The following LRP1B variants were observed in gnomAD, a reference collection of about 807,000 sequenced individuals.
LRP1B encodes low-density lipoprotein receptor-related protein 1B.
In LRP1B, 217 loss-of-function variants were observed where a neutral mutation model predicts 556.6. The ratio of observed to expected loss-of-function variants is 0.39; its 90% CI spans 0.35 to 0.44. The LOEUF (loss-of-function observed/expected upper bound fraction) is 0.44. LRP1B is among the 20% of genes least tolerant of loss of function. The pLI is 1.00. For missense variants in LRP1B, 5,053 were observed against 5,620.8 expected, an observed-to-expected ratio of 0.90 and a Z score of 3.23; for synonymous variants, 2,047 against 1,865.8, an observed-to-expected ratio of 1.10 and a Z score of -2.50.
intron 68 of LRP1B, 21 bp downstream of exon 68, chr2:140,378,159 T>G: frequency 6.5e-7 from 1 of 1,535,924 alleles, no homozygotes; most frequent in Non-Finnish European, 9.0e-7. Context: ...GCTTTCTTTT[T>G]GATTTTACAA....
Position 140,700,140 on chromosome 2 carries a change from A to T in LRP1B, c.6799+110T>A, listed in dbSNP as rs377576297. ...ATGATATAGTCACATTCATTCCTGAATATAAAATCTAGGAAAATGTAATTG... is the reference window on the plus strand; with the variant it reads ...ATGATATAGTCACATTCATTCCTGATTATAAAATCTAGGAAAATGTAATTG... On this transcript the variant is annotated intron_variant, in intron 41 of 90. Coordinates refer to ENST00000389484, the MANE Select transcript of LRP1B (RefSeq NM_018557.3). The T allele has an allele frequency of 4.8e-4, 481 of 992,120 alleles. 8 individuals are homozygous for T. The South Asian group carries it at 7.3e-3, about 15-fold the overall frequency. 61.5% of individuals were successfully genotyped at this position (992,120 alleles called of 1,614,324 possible).
At chr2:140,735,011 C>T (rs1687899994) in intron 35 of LRP1B, among the ~76,000 whole-genome samples, 1 of 152,168 alleles carries the variant, frequency 6.6e-6, no homozygotes, top group Non-Finnish European at 1.5e-5. Context: ...CCTGTCTTGA[C>T]TCTGTTTCCC....
intron 1 of LRP1B, among the ~76,000 whole-genome samples, chr2:141,859,716 T>C (rs1437642849): frequency 6.6e-6 from 1 of 152,210 alleles, no homozygotes; most frequent in Non-Finnish European, 1.5e-5. Flanking sequence ...TATGATTTGA[T>C]CATTACACAG....
At chr2:140,664,082 C>A (rs1685186594) in intron 41 of LRP1B, among the ~76,000 whole-genome samples, 1 of 152,158 alleles carries the variant, frequency 6.6e-6, no homozygotes. Flanking sequence ...TAATTAAGTT[C>A]ACTCTCTTGA....
chr2:141,355,479 C>A (rs1341462762), intron 3 of LRP1B, among the ~76,000 whole-genome samples: 5 of 152,018 alleles, frequency 3.3e-5, no homozygotes, highest in Non-Finnish European at 7.4e-5. Context: ...CACCACACCC[C>A]CATCCCCTGG....
At chr2:141,788,529 A>T (rs1397571960) in intron 2 of LRP1B, among the ~76,000 whole-genome samples, 1 of 151,828 alleles carries the variant, frequency 6.6e-6, no homozygotes, top group Non-Finnish European at 1.5e-5. Flanking sequence ...TTCATTTCTA[A>T]TTAAATTTTA....
chr2:141,834,731 A>T (rs1435322259), intron 1 of LRP1B, among the ~76,000 whole-genome samples: 1 of 151,986 alleles, frequency 6.6e-6, no homozygotes, highest in Non-Finnish European at 1.5e-5. Context: ...TTGGGATCAG[A>T]AGTTGCACAG....
Position 141,406,417 on chromosome 2 carries a change from G to C in LRP1B, c.343+73979C>G, listed in dbSNP as rs148498512. Among the ~76,000 whole-genome samples, 11 of 152,114 alleles carry C rather than the reference G, an allele frequency of 7.2e-5. No individual in the cohort carries two copies. The East Asian group carries it at 2.1e-3, about 29-fold the overall frequency. On this transcript the variant is annotated intron_variant, in intron 3 of 90. Transcript: ENST00000389484. ...GCCTATCTCAGGCAAGGAACATAAG[G>C]TCAGACTAGGCATAATAAAGGCAAA...
intron 1 of LRP1B, among the ~76,000 whole-genome samples, chr2:142,031,393 AGT>A (rs1703703225): frequency 8.0e-6 from 1 of 124,758 alleles, no homozygotes; most frequent in Admixed American, 9.9e-5. Context: ...TGTGCAGGTT[AGT>A]TACATATGTA....
chr2:140,825,125 A>G (rs1320990489), intron 31 of LRP1B, among the ~76,000 whole-genome samples: 3 of 152,186 alleles, frequency 2.0e-5, no homozygotes, highest in Admixed American at 2.0e-4. Flanking sequence ...AGAAGAATTC[A>G]GCCTGGTCAC....
At chr2:140,927,454 A>G (rs1198236546) in intron 20 of LRP1B, among the ~76,000 whole-genome samples, 2 of 152,144 alleles carry the variant, frequency 1.3e-5, no homozygotes, top group Non-Finnish European at 2.9e-5. Context: ...TGATTGTACC[A>G]TTTTTAACTT....
At chr2:140,838,380 G>A (rs976188099) in intron 31 of LRP1B, among the ~76,000 whole-genome samples, 1 of 151,988 alleles carries the variant, frequency 6.6e-6, no homozygotes, top group African/African-American at 2.4e-5. Context: ...GTTTCAATTT[G>A]CCTTTAATTT....
intron 1 of LRP1B, among the ~76,000 whole-genome samples, chr2:142,095,911 G>A (rs2104958921): frequency 6.6e-6 from 1 of 151,722 alleles, no homozygotes; most frequent in South Asian, 2.1e-4. Flanking sequence ...AGATCGCTCA[G>A]GATCCGATAT....
chr2:141,544,714 G>A (rs1397213107), intron 2 of LRP1B, among the ~76,000 whole-genome samples: 4 of 151,874 alleles, frequency 2.6e-5, no homozygotes, highest in Non-Finnish European at 5.9e-5. Context: ...CACTGAGGCT[G>A]GAGTGCAGTG....
chr2:141,745,328 G>A (rs1558845586), intron 2 of LRP1B, among the ~76,000 whole-genome samples: 1 of 152,128 alleles, frequency 6.6e-6, no homozygotes, highest in Non-Finnish European at 1.5e-5. Flanking sequence ...GGACTGAAGT[G>A]AAAAATATTA....
chr2:141,178,302 C>T (rs994762417), intron 7 of LRP1B, among the ~76,000 whole-genome samples: 1 of 152,078 alleles, frequency 6.6e-6, no homozygotes, highest in Non-Finnish European at 1.5e-5. Context: ...AAAAATAAGG[C>T]TAACAAGTGA....
chr2:141,303,929 A>G (rs1349163566), intron 3 of LRP1B, among the ~76,000 whole-genome samples: 1 of 151,906 alleles, frequency 6.6e-6, no homozygotes, highest in African/African-American at 2.4e-5. Flanking sequence ...ATCTTTTATT[A>G]TTTGTCTTTT....
intron 2 of LRP1B, among the ~76,000 whole-genome samples, chr2:141,631,960 G>A (rs1157689754): frequency 6.6e-6 from 1 of 151,944 alleles, no homozygotes; most frequent in Non-Finnish European, 1.5e-5. Flanking sequence ...CAGATAGACT[G>A]GAAAGCAGGG....
At chr2:141,169,379 T>C (rs1680402837) in intron 7 of LRP1B, among the ~76,000 whole-genome samples, 1 of 151,758 alleles carries the variant, frequency 6.6e-6, no homozygotes, top group African/African-American at 2.4e-5. Context: ...AAAAACTTCT[T>C]CCAATTAGCA....
Sources: allele counts gnomAD v4.1 joint callset (sites outside exome capture counted in the v4.1 genomes callset), GRCh38; gene constraint gnomAD v4.1.1; transcripts MANE v1.5; gene names NCBI Gene and HGNC (gene_info 2026-07-23, HGNC 2026-07-21).